Variants in CACNA1C observed in about 807,000 individuals in gnomAD.
The protein encoded by CACNA1C is calcium voltage-gated channel subunit alpha1 C, also known as voltage-dependent L-type calcium channel subunit alpha-1C.
In CACNA1C, 30 loss-of-function variants were observed where a neutral mutation model predicts 229.0. That is an observed-to-expected ratio of 0.13 (90% CI 0.10 to 0.18). The LOEUF is 0.18. Among genes scored for constraint, CACNA1C ranks in the 10% least tolerant of loss-of-function variants. The pLI is 1.00. For missense variants in CACNA1C, 1,658 were observed against 2,845.0 expected, an observed-to-expected ratio of 0.58 and a Z score of 9.49; for synonymous variants, 1,114 against 1,132.5, an observed-to-expected ratio of 0.98 and a Z score of 0.33.
chr12:2,237,898 T>C (rs898551335), intron 3 of CACNA1C, among the ~76,000 whole-genome samples: 2 of 152,230 alleles, frequency 1.3e-5, no homozygotes, highest in Non-Finnish European at 2.9e-5. Flanking sequence ...CCCTCTGCCC[T>C]CCCTAGCTCC....
At chr12:2,607,285 T>TA in intron 26 of CACNA1C, 155 bp downstream of exon 26, 1 of 696,310 alleles carries the variant, frequency 1.4e-6, no homozygotes, top group South Asian at 2.3e-5. Flanking sequence ...TTCTAGAACT[T>TA]ACAGTCCACT....
intron 9 of CACNA1C, among the ~76,000 whole-genome samples, chr12:2,518,983 G>A (rs911328611): frequency 1.3e-5 from 2 of 152,194 alleles, no homozygotes; most frequent in Non-Finnish European, 2.9e-5. Context: ...CTGCCTAAAT[G>A]TTACTGAAGT....
At chr12:2,378,550 C>T (rs1424824610) in intron 3 of CACNA1C, among the ~76,000 whole-genome samples, 4 of 152,144 alleles carry the variant, frequency 2.6e-5, no homozygotes, top group East Asian at 1.9e-4. Flanking sequence ...CTACCCTGTG[C>T]GGGCAAGAGG....
chr12:2,363,699 G>T (rs1430078824), intron 3 of CACNA1C, among the ~76,000 whole-genome samples: 3 of 150,220 alleles, frequency 2.0e-5, no homozygotes, highest in African/African-American at 7.4e-5. Flanking sequence ...GTGTGTGGGA[G>T]GTTTAGCAAC....
chr12:2,198,155 A>G (rs1209931994), intron 3 of CACNA1C, among the ~76,000 whole-genome samples: 1 of 152,224 alleles, frequency 6.6e-6, no homozygotes, highest in Non-Finnish European at 1.5e-5. Flanking sequence ...GCTGTAGCAC[A>G]GTGCGGCCCA....
In CACNA1C at chr12:2,098,980, G is replaced by A. The variant is rs900821057; in HGVS notation, c.50-16244G>A. ...TAGCACTGCTCACCGTGTGAGGGGC[G>A]GCCGTAGAGCTAGGGCCTGCTTGCT... On this transcript the variant is annotated intron_variant, in intron 1 of 46. Coordinates refer to ENST00000399655, the MANE Select transcript of CACNA1C (RefSeq NM_000719.7). Among the ~76,000 whole-genome samples the A allele has an allele frequency of 2.6e-5, 4 of 152,288 alleles. No individual in the cohort carries two copies. In the East Asian group the frequency reaches 5.8e-4, roughly 22 times the overall value.
chr12:1,996,616 TAAAAAAAAAAAAAAAA>T (rs78563698), intron 1 of CACNA1C, among the ~76,000 whole-genome samples: 5 of 18,832 alleles, frequency 2.7e-4, no homozygotes, highest in Non-Finnish European at 3.8e-4. Flanking sequence ...GCTGATGAGC[TAAAAAAAAAAAAAAAA>T]AAAAAAAAAA....
chr12:1,998,560 T>G (rs1253759983), intron 1 of CACNA1C, among the ~76,000 whole-genome samples: 2 of 152,190 alleles, frequency 1.3e-5, no homozygotes, highest in African/African-American at 4.8e-5. Flanking sequence ...TGACCCGAGA[T>G]CACTGAAGTA....
In CACNA1C at chr12:2,067,787, C is replaced by T. The variant is rs2059940489; in HGVS notation, c.49+14176C>T. ...AGGAGGAGTGATGGGGCAATCAAGA[C>T]CACAAGTGCCAACCTCAGCGCACTC... is the stretch of plus-strand genomic sequence containing the variant. On this transcript the variant is annotated intron_variant, in intron 1 of 46. Coordinates refer to ENST00000399655, the MANE Select transcript of CACNA1C (RefSeq NM_000719.7). This position sits in a 1 kb window ranked among gnomAD's most constrained non-coding sequence, Gnocchi z 5.3. Among the ~76,000 whole-genome samples, 3 of 152,104 alleles carry T rather than the reference C, an allele frequency of 2.0e-5. No individual in the cohort carries two copies. Among genetic ancestry groups the T allele is most frequent in the African/African-American group, 7.2e-5 (3 of 41,410 alleles).
intron 1 of CACNA1C, among the ~76,000 whole-genome samples, chr12:2,041,437 C>T (rs111886251): frequency 0.041 from 6,300 of 151,988 alleles, 205 homozygotes; most frequent in Non-Finnish European, 0.066. Context: ...CCACCGCGTC[C>T]GGCTAATTTT....
chr12:2,532,056 G>A (rs926692596), intron 9 of CACNA1C, among the ~76,000 whole-genome samples: 39 of 152,152 alleles, frequency 2.6e-4, no homozygotes, highest in Non-Finnish European at 3.4e-4. Context: ...GCATCCTCCC[G>A]ATGGTGTGGT....
intron 3 of CACNA1C, among the ~76,000 whole-genome samples, chr12:2,448,685 C>T (rs902769085): frequency 3.3e-5 from 5 of 151,912 alleles, no homozygotes; most frequent in South Asian, 2.1e-4. Flanking sequence ...AACTGATTAA[C>T]TAAATAAAAT....
chr12:1,975,929 A>T (rs1441150425), intron 1 of CACNA1C, among the ~76,000 whole-genome samples: 6 of 152,274 alleles, frequency 3.9e-5, no homozygotes, highest in South Asian at 2.1e-4. Flanking sequence ...GGTGAAGAGA[A>T]GGGTTGTTTA....
intron 46 of CACNA1C, 38 bp downstream of exon 46, chr12:2,688,817 G>A (rs377577589): frequency 1.6e-5 from 23 of 1,411,646 alleles, no homozygotes; most frequent in Middle Eastern, 3.8e-4. Context: ...GAGAGGCCAC[G>A]GGCAACAAGG....
intron 29 of CACNA1C, among the ~76,000 whole-genome samples, chr12:2,616,084 G>A (rs181037226): frequency 6.6e-6 from 1 of 152,180 alleles, no homozygotes; most frequent in Non-Finnish European, 1.5e-5. Flanking sequence ...CTTGACCCTG[G>A]CAGCTCTCTG....
Position 2,135,992 on chromosome 12 carries a change from T to C in CACNA1C, c.477+15562T>C, listed in dbSNP as rs1451064054. 2.4e-4 allele frequency among the ~76,000 whole-genome samples: 36 copies of C among 150,390 alleles called. 1 individual carries two copies. The South Asian group carries it at 3.6e-3, about 15-fold the overall frequency. Reference sequence around the variant, plus strand: ...GGCGTAGGACCCTCCGAGCCAGGTGTGGGATATAGTCTCGTGGTGCGCCGT... The same window carrying C: ...GGCGTAGGACCCTCCGAGCCAGGTGCGGGATATAGTCTCGTGGTGCGCCGT... On this transcript the variant is annotated intron_variant, in intron 3 of 46. Coordinates refer to ENST00000399655, the MANE Select transcript of CACNA1C (RefSeq NM_000719.7).
intron 1 of CACNA1C, chr12:1,992,879 G>T (rs2039793757): frequency 2.2e-6 from 1 of 462,204 alleles, no homozygotes; most frequent in African/African-American, 2.0e-5. Context: ...GATACATAAA[G>T]AAAAAGTGCC....
intron 34 of CACNA1C, among the ~76,000 whole-genome samples, chr12:2,659,655 G>GA (rs1332456387): frequency 3.9e-5 from 6 of 152,048 alleles, no homozygotes; most frequent in Non-Finnish European, 8.8e-5. Context: ...AATAGATGGG[G>GA]AAAAGAATAG....
At chr12:2,113,028 C>G in intron 1 of CACNA1C, among the ~76,000 whole-genome samples, 1 of 151,746 alleles carries the variant, frequency 6.6e-6, no homozygotes, top group East Asian at 1.9e-4. Context: ...TCACTTAAGT[C>G]ACTTAAACAT....
Sources: gnomAD v4.1 joint callset for allele counts (sites outside exome capture counted in the v4.1 genomes callset) on GRCh38, gnomAD v4.1.1 for gene constraint, Gnocchi (gnomAD v3.1) non-coding constraint, MANE v1.5 for transcripts, NCBI Gene and HGNC (gene_info 2026-07-23, HGNC 2026-07-21) for gene names.